The following EHBP1 variants were observed in gnomAD, a reference collection of about 807,000 sequenced individuals.
EHBP1 encodes the protein EH domain binding protein 1.
A neutral mutation model predicts 144.0 loss-of-function variants in EHBP1; 55 were observed. The observed-to-expected ratio is 0.38, with a 90% CI of 0.31 to 0.48. The LOEUF is 0.48. Among genes scored for constraint, EHBP1 ranks in the 20% least tolerant of loss-of-function variants. The probability of loss-of-function intolerance (pLI) is 0.98; values close to 1 mark genes in which losing one functional copy is unlikely to be tolerated. For missense variants in EHBP1, 1,200 were observed against 1,364.2 expected, an observed-to-expected ratio of 0.88 and a Z score of 1.90; for synonymous variants, 469 against 472.7, an observed-to-expected ratio of 0.99 and a Z score of 0.10.
At chr2:63,002,467 T>C (rs562791877) in intron 19 of EHBP1, among the ~76,000 whole-genome samples, 3 of 152,138 alleles carry the variant, frequency 2.0e-5, no homozygotes, top group Non-Finnish European at 4.4e-5. Flanking sequence ...CTCAGTGTAT[T>C]AGAAGAACTT....
chr2:62,755,530 C>T (rs543696758), intron 3 of EHBP1, among the ~76,000 whole-genome samples: 1 of 152,100 alleles, frequency 6.6e-6, no homozygotes, highest in East Asian at 1.9e-4. Flanking sequence ...AAGGCATAAC[C>T]AGGTAATAGG....
intron 10 of EHBP1, among the ~76,000 whole-genome samples, chr2:62,926,630 A>G (rs1407220239): frequency 6.6e-6 from 1 of 152,140 alleles, no homozygotes; most frequent in Non-Finnish European, 1.5e-5. Flanking sequence ...TCACAAAGAG[A>G]TATCTCTTTC....
At chr2:62,675,350 A>G (rs114001728) in intron 1 of EHBP1, among the ~76,000 whole-genome samples, 3 of 152,214 alleles carry the variant, frequency 2.0e-5, no homozygotes, top group Non-Finnish European at 2.9e-5. Context: ...TACAGAATGC[A>G]TTTTACTAAG....
intron 13 of EHBP1, among the ~76,000 whole-genome samples, chr2:62,951,109 A>G (rs2057354363): frequency 6.6e-6 from 1 of 152,220 alleles, no homozygotes; most frequent in South Asian, 2.1e-4. Context: ...ATTTTTAGAC[A>G]GTAATCTGGA....
At chr2:63,012,412 T>A (rs2060305379) in intron 19 of EHBP1, among the ~76,000 whole-genome samples, 2 of 152,114 alleles carry the variant, frequency 1.3e-5, no homozygotes, top group Non-Finnish European at 2.9e-5. Flanking sequence ...TAGATACTTG[T>A]CATAAATTAG....
intron 21 of EHBP1, among the ~76,000 whole-genome samples, chr2:63,043,595 G>T (rs1403925548): frequency 1.3e-5 from 2 of 151,972 alleles, no homozygotes; most frequent in African/African-American, 4.8e-5. Flanking sequence ...TTTTTAATTT[G>T]TAAATACAAG....
intron 10 of EHBP1, among the ~76,000 whole-genome samples, chr2:62,880,113 A>G (rs2051275691): frequency 6.6e-6 from 1 of 152,210 alleles, no homozygotes; most frequent in African/African-American, 2.4e-5. Context: ...GCAATGGGGA[A>G]AGGATTCATT....
At chr2:63,019,830 GGGAA>G (rs539462695) in intron 19 of EHBP1, among the ~76,000 whole-genome samples, 3,819 of 34,202 alleles carry the variant, frequency 0.11, 168 homozygotes, top group Middle Eastern at 0.27. Flanking sequence ...AAGAGGGGGA[GGGAA>G]GGAAGGAAGG....
intron 7 of EHBP1, among the ~76,000 whole-genome samples, chr2:62,849,214 G>GA (rs1252743095): frequency 6.6e-6 from 1 of 151,836 alleles, no homozygotes; most frequent in African/African-American, 2.4e-5. Flanking sequence ...CATGCTCTAG[G>GA]AAAAACCAGC....
intron 7 of EHBP1, among the ~76,000 whole-genome samples, chr2:62,855,974 C>T (rs923084554): frequency 2.6e-5 from 4 of 152,078 alleles, no homozygotes; most frequent in Admixed American, 2.6e-4. Context: ...CTTCCCACTC[C>T]AGGGTCTCCT....
At chr2:62,984,436 A>G (rs1265855068) in intron 15 of EHBP1, among the ~76,000 whole-genome samples, 1 of 152,210 alleles carries the variant, frequency 6.6e-6, no homozygotes, top group African/African-American at 2.4e-5. Context: ...CTTGCAAACC[A>G]GCTTCTGTTG....
intron 10 of EHBP1, among the ~76,000 whole-genome samples, chr2:62,913,911 A>T (rs2054409239): frequency 6.6e-6 from 1 of 152,174 alleles, no homozygotes; most frequent in Non-Finnish European, 1.5e-5. Flanking sequence ...TCAATGGCAA[A>T]TCAATCAAAT....
chr2:62,778,032 G>C (rs145154223), intron 5 of EHBP1, among the ~76,000 whole-genome samples: 2 of 152,034 alleles, frequency 1.3e-5, no homozygotes, highest in East Asian at 1.9e-4. Flanking sequence ...TTGGTTCTTC[G>C]TCCTCCGTGA....
At chr2:62,902,987 TG>T (rs1289235864) in intron 10 of EHBP1, among the ~76,000 whole-genome samples, 1 of 152,226 alleles carries the variant, frequency 6.6e-6, no homozygotes. Flanking sequence ...TTGACATCAG[TG>T]TATTCTAGTT....
chr2:63,006,700 ACT>A (rs139925134), intron 19 of EHBP1, among the ~76,000 whole-genome samples: 1,774 of 151,936 alleles, frequency 0.012, 32 homozygotes, highest in African/African-American at 0.04. Context: ...TTAAAAGATG[ACT>A]CTGTAAAAAT....
chr2:63,009,016 C>T (rs2060163113), intron 19 of EHBP1, among the ~76,000 whole-genome samples: 1 of 151,598 alleles, frequency 6.6e-6, no homozygotes, highest in Middle Eastern at 3.4e-3. Flanking sequence ...ACAGATATAC[C>T]GTGGAATGGA....
chr2:62,981,911 T>A (rs565611285), intron 15 of EHBP1, among the ~76,000 whole-genome samples: 1 of 152,232 alleles, frequency 6.6e-6, no homozygotes, highest in East Asian at 1.9e-4. Context: ...GGGTCTATTT[T>A]CCCCATAGGA....
intron 15 of EHBP1, among the ~76,000 whole-genome samples, chr2:62,986,387 T>G (rs775976989): frequency 6.6e-6 from 1 of 151,948 alleles, no homozygotes. Context: ...TTTATCTCTA[T>G]GCTTTTTTGC....
chr2:62,871,436 C>G (rs1293108835), intron 9 of EHBP1, among the ~76,000 whole-genome samples: 1 of 152,196 alleles, frequency 6.6e-6, no homozygotes, highest in Non-Finnish European at 1.5e-5. Flanking sequence ...TGTAAATACT[C>G]TAGCTTCTTT....
Sources: gnomAD v4.1 joint callset for allele counts (sites outside exome capture counted in the v4.1 genomes callset) on GRCh38, gnomAD v4.1.1 for gene constraint, MANE v1.5 for transcripts, NCBI Gene and HGNC (gene_info 2026-07-23, HGNC 2026-07-21) for gene names.